PACS2: variants seen among roughly 807,000 people sequenced by gnomAD.
The protein encoded by PACS2 is phosphofurin acidic cluster sorting protein 2.
In PACS2, 36 loss-of-function variants were observed where a neutral mutation model predicts 113.0. The ratio of observed to expected loss-of-function variants is 0.32; its 90% CI spans 0.24 to 0.42. The LOEUF is 0.42. PACS2 is among the 10% of genes least tolerant of loss of function. PACS2 has a pLI of 1.00. For synonymous variants in PACS2, 589 were observed against 536.1 expected, an observed-to-expected ratio of 1.10 and a Z score of -1.36; for missense variants, 1,015 against 1,239.5, an observed-to-expected ratio of 0.82 and a Z score of 2.72.
At chr14:105,307,209 G>A (rs2058215743) in intron 1 of PACS2, among the ~76,000 whole-genome samples, 1 of 151,932 alleles carries the variant, frequency 6.6e-6, no homozygotes, top group South Asian at 2.1e-4. Flanking sequence ...CGTGCAGGCT[G>A]AGCATACCTT....
chr14:105,368,791 T>C (rs1280023848), intron 7 of PACS2, among the ~76,000 whole-genome samples: 4 of 152,248 alleles, frequency 2.6e-5, no homozygotes, highest in African/African-American at 9.6e-5. Context: ...GCTGGGAGGC[T>C]GCCTCGCTGC....
Position 105,340,253 on chromosome 14 carries a change from C to T in PACS2, c.120-8240C>T, listed in dbSNP as rs978477856. On this transcript the variant is annotated intron_variant, in intron 1 of 24. Transcript: ENST00000447393. This position sits in a 1 kb window ranked among gnomAD's most constrained non-coding sequence, Gnocchi z 4.2. ...TCATCTGTGGGGAAAGGATATACTT[C>T]TGGGTAAATGGTTTGGTGATAACTG... Among the ~76,000 whole-genome samples, 3 of 152,166 alleles carry T rather than the reference C, an allele frequency of 2.0e-5. No homozygotes were observed. The highest frequency in any genetic ancestry group is 2.9e-5 in the Non-Finnish European group (2 of 68,038).
In PACS2 at chr14:105,324,797, C is replaced by T. The variant is rs1247205776; in HGVS notation, c.119+9760C>T. On this transcript the variant is annotated intron_variant, in intron 1 of 24. Coordinates refer to ENST00000447393, the MANE Select transcript of PACS2 (RefSeq NM_001100913.3). The surrounding 1 kb of genome is among the most constrained non-coding windows in gnomAD (Gnocchi z 4.7). ...GCTACTGCTGGGCTGCTCTCAGGCCCGGGACATTCATGGCCGTAGCCCCAG... is the reference window on the plus strand; with the variant it reads ...GCTACTGCTGGGCTGCTCTCAGGCCTGGGACATTCATGGCCGTAGCCCCAG... 1.3e-5 allele frequency among the ~76,000 whole-genome samples: 2 copies of T among 152,134 alleles called. No individual in the cohort carries two copies. The highest frequency in any genetic ancestry group is 6.5e-5 in the Admixed American group (1 of 15,286).
At chr14:105,360,227 TATAC>T (rs1555406168) in intron 4 of PACS2, among the ~76,000 whole-genome samples, 2 of 152,164 alleles carry the variant, frequency 1.3e-5, no homozygotes, top group Non-Finnish European at 2.9e-5. Flanking sequence ...TCAAAAAATA[TATAC>T]ATACATTAAT....
intron 21 of PACS2, 120 bp downstream of exon 21, chr14:105,391,369 T>G: frequency 1.3e-6 from 1 of 790,774 alleles, no homozygotes; most frequent in South Asian, 1.5e-5. Flanking sequence ...CACGTCCCAG[T>G]CTTGCTGTGG....
At chr14:105,385,575 C>T (rs991271321) in intron 18 of PACS2, 110 bp from the exon 19 acceptor site, 17 of 644,130 alleles carry the variant, frequency 2.6e-5, no homozygotes, top group South Asian at 2.5e-4. Flanking sequence ...GGCTCTCCCA[C>T]GCAGGAGCCC....
rs587734172 is a variant in PACS2, at chr14:105,374,003, C to T, written c.802-2765C>T. Reference sequence around the variant, plus strand: ...CCCGTCTCTACTAAAAATACAAAAACAATTAGCCAGGCATCGTGGCGGGTG... The same window carrying T: ...CCCGTCTCTACTAAAAATACAAAAATAATTAGCCAGGCATCGTGGCGGGTG... On this transcript the variant is annotated intron_variant, in intron 8 of 24. Coordinates refer to ENST00000447393, the MANE Select transcript of PACS2 (RefSeq NM_001100913.3). 7.2e-5 allele frequency among the ~76,000 whole-genome samples: 11 copies of T among 151,806 alleles called. No homozygotes were observed. In the South Asian group the frequency reaches 1.9e-3, roughly 26 times the overall value.
At chr14:105,379,895 A>G in intron 10 of PACS2, 66 bp downstream of exon 10, 1 of 1,488,386 alleles carries the variant, frequency 6.7e-7, no homozygotes, top group Non-Finnish European at 9.3e-7. Flanking sequence ...TGTGGCCCAA[A>G]TCTCCCAGCA....
intron 1 of PACS2, among the ~76,000 whole-genome samples, chr14:105,307,859 G>A (rs2058234616): frequency 1.3e-5 from 2 of 152,198 alleles, no homozygotes; most frequent in African/African-American, 4.8e-5. Context: ...AGTGAGACTT[G>A]GTGAGGCTCC....
At chr14:105,382,405 C>T (rs1386663780) in intron 13 of PACS2, 72 bp from the exon 14 acceptor site, 1 of 906,438 alleles carries the variant, frequency 1.1e-6, no homozygotes, top group African/African-American at 1.6e-5. Flanking sequence ...GCACTGCAGG[C>T]ACCAGGGCTG....
At chr14:105,372,331 G>A (rs1330702540) in intron 8 of PACS2, 1 of 152,234 alleles carries the variant, frequency 6.6e-6, no homozygotes, top group African/African-American at 2.4e-5. Flanking sequence ...TTTTCAACAA[G>A]GGTGCCAAGT....
intron 24 of PACS2, among the ~76,000 whole-genome samples, chr14:105,393,917 G>A (rs958646412): frequency 2.0e-5 from 3 of 151,854 alleles, no homozygotes; most frequent in Non-Finnish European, 4.4e-5. Flanking sequence ...TAGTTTAAAA[G>A]TGTTGGCTGA....
chr14:105,381,144 G>A (rs587657390), intron 12 of PACS2, 45 bp downstream of exon 12: 56 of 1,561,786 alleles, frequency 3.6e-5, no homozygotes, highest in Admixed American at 2.3e-4. Flanking sequence ...TGCACCTGTC[G>A]GGGGAGGGGC....
chr14:105,328,353 G>A (rs1351402381), intron 1 of PACS2, among the ~76,000 whole-genome samples: 1 of 152,208 alleles, frequency 6.6e-6, no homozygotes, highest in Non-Finnish European at 1.5e-5. Context: ...TGGGTGACCT[G>A]GTGCAAACCA....
rs1324823520 is a variant in PACS2 at position 105,376,583 on chromosome 14, C to A, written c.802-185C>A. 2.0e-5 allele frequency among the ~76,000 whole-genome samples: 3 copies of A among 152,100 alleles called. No individual in the cohort carries two copies. The highest frequency in any genetic ancestry group is 7.2e-5 in the African/African-American group (3 of 41,410). The stretch of plus-strand genomic sequence containing the variant: ...GCCACACGCACCGGTACCTGGGGAC[C>A]GGGGGTCCTCGGTGATCATCCCGAG... On this transcript the variant is annotated intron_variant, in intron 8 of 24. Transcript: ENST00000447393. This position sits in a 1 kb window ranked among gnomAD's most constrained non-coding sequence, Gnocchi z 4.7.
At chr14:105,352,714 G>GC (rs1159394074) in intron 3 of PACS2, among the ~76,000 whole-genome samples, 5 of 127,528 alleles carry the variant, frequency 3.9e-5, no homozygotes, top group Middle Eastern at 6.7e-3. Flanking sequence ...GGGGTGACGG[G>GC]CCCCCCCATC....
intron 23 of PACS2, 112 bp from the exon 24 acceptor site, chr14:105,393,110 G>C: frequency 1.2e-6 from 1 of 823,716 alleles, no homozygotes; most frequent in Non-Finnish European, 2.0e-6. Context: ...TCCTAGGTGA[G>C]CAGTGCCATG....
chr14:105,355,214 G>C lies in PACS2; in HGVS notation c.423+37G>C, dbSNP rs1555405124. Reference sequence around the variant, plus strand: ...GTCTGGCGTGGCCTGCGTCGGGCTGGCCACCTGGGTGCCAGAGCATTCGCC... The same window carrying C: ...GTCTGGCGTGGCCTGCGTCGGGCTGCCCACCTGGGTGCCAGAGCATTCGCC... On this transcript the variant is annotated intron_variant, in intron 4 of 24. Coordinates refer to ENST00000447393, the MANE Select transcript of PACS2 (RefSeq NM_001100913.3). This position sits in a 1 kb window ranked among gnomAD's most constrained non-coding sequence, Gnocchi z 4.1. The C allele has an allele frequency of 6.3e-7, 1 of 1,599,258 alleles. No homozygotes were observed. Among genetic ancestry groups the C allele is most frequent in the Non-Finnish European group, 8.5e-7 (1 of 1,172,606 alleles).
At chr14:105,374,448 C>T (rs2061270570) in intron 8 of PACS2, among the ~76,000 whole-genome samples, 5 of 152,132 alleles carry the variant, frequency 3.3e-5, no homozygotes, top group Admixed American at 2.6e-4. Flanking sequence ...ATAAAGAATG[C>T]TTATAACTGA....
Sources: gnomAD v4.1 joint callset for allele counts (sites outside exome capture counted in the v4.1 genomes callset) on GRCh38, gnomAD v4.1.1 for gene constraint, Gnocchi (gnomAD v3.1) non-coding constraint, MANE v1.5 for transcripts, NCBI Gene and HGNC (gene_info 2026-07-23, HGNC 2026-07-21) for gene names.